The following DOCK4 variants were observed in gnomAD, a reference collection of about 807,000 sequenced individuals.
DOCK4 encodes the protein dedicator of cytokinesis protein 4.
In DOCK4, 97 loss-of-function variants were observed where a neutral mutation model predicts 268.1. That is an observed-to-expected ratio of 0.36 (90% CI 0.31 to 0.43). The LOEUF (loss-of-function observed/expected upper bound fraction) is 0.43. DOCK4 is among the 20% of genes least tolerant of loss of function. The pLI is 1.00. For missense variants in DOCK4, 2,145 were observed against 2,455.7 expected (o/e 0.87, Z 2.67); for synonymous variants, 954 against 887.2 (o/e 1.08, Z -1.34).
Position 112,206,327 on chromosome 7 carries a change from C to T in DOCK4, c.-189G>A, listed in dbSNP as rs1015301726. 3 of 623,270 alleles carry T rather than the reference C, an allele frequency of 4.8e-6. No individual in the cohort carries two copies. In the African/African-American group the frequency reaches 5.8e-5, roughly 12 times the overall value. The allele number at this position is 623,270 out of a possible 1,614,324, so 38.6% of individuals were successfully genotyped here. A position where few individuals can be genotyped will look rare whatever the true frequency, so the allele number is the denominator to read the frequency against. On this transcript the variant is annotated 5_prime_UTR_variant, in exon 1 of 53. Coordinates refer to ENST00000428084, the MANE Select transcript of DOCK4 (RefSeq NM_001363540.2). Reference sequence around the variant, plus strand: ...CGTTGACACTGCGCCGCCCGCAGCTCTCCCGGCGGCGGCTGCTCACAGTCC... The same window carrying T: ...CGTTGACACTGCGCCGCCCGCAGCTTTCCCGGCGGCGGCTGCTCACAGTCC...
intron 16 of DOCK4, among the ~76,000 whole-genome samples, chr7:111,893,663 G>C (rs1008265742): frequency 1.3e-5 from 2 of 152,054 alleles, no homozygotes; most frequent in African/African-American, 2.4e-5. Context: ...TCCTCTGTTT[G>C]CTTTTCTGGT....
intron 12 of DOCK4, among the ~76,000 whole-genome samples, chr7:111,917,923 T>C (rs989731203): frequency 3.3e-5 from 5 of 152,102 alleles, no homozygotes; most frequent in African/African-American, 9.7e-5. Context: ...ATGAAAAAAA[T>C]GCAAAGTTTA....
intron 1 of DOCK4, among the ~76,000 whole-genome samples, chr7:112,197,479 C>G (rs964498566): frequency 6.6e-6 from 1 of 152,178 alleles, no homozygotes; most frequent in Non-Finnish European, 1.5e-5. Flanking sequence ...CGTGCACAAT[C>G]TGGCATGAAA....
At chr7:112,064,313 A>T (rs1806723614) in intron 1 of DOCK4, among the ~76,000 whole-genome samples, 1 of 152,192 alleles carries the variant, frequency 6.6e-6, no homozygotes, top group Admixed American at 6.5e-5. Flanking sequence ...ACCAACCAAT[A>T]TCCCATAGTA....
chr7:112,091,645 A>G (rs1809637881), intron 1 of DOCK4, among the ~76,000 whole-genome samples: 1 of 152,148 alleles, frequency 6.6e-6, no homozygotes. Flanking sequence ...CCCAATCCGA[A>G]AAGAATTCAA....
chr7:112,115,811 A>T (rs187399419), intron 1 of DOCK4, among the ~76,000 whole-genome samples: 1 of 152,294 alleles, frequency 6.6e-6, no homozygotes, highest in Admixed American at 6.5e-5. Context: ...CCTCCTGAGT[A>T]GCAGGACTAC....
At chr7:112,070,451 TTGCACCAATTACTTC>T in intron 1 of DOCK4, among the ~76,000 whole-genome samples, 1 of 152,162 alleles carries the variant, frequency 6.6e-6, no homozygotes, top group African/African-American at 2.4e-5. Context: ...ACACTTACTT[TTGCACCAATTACTTC>T]TGCACCAACC....
intron 42 of DOCK4, among the ~76,000 whole-genome samples, chr7:111,751,704 C>A (rs1000493621): frequency 6.6e-6 from 1 of 152,110 alleles, no homozygotes; most frequent in African/African-American, 2.4e-5. Flanking sequence ...CCTGGCCTCC[C>A]AAAGTGTTGG....
At chr7:111,957,746 G>C (rs772440174) in intron 8 of DOCK4, among the ~76,000 whole-genome samples, 3 of 152,124 alleles carry the variant, frequency 2.0e-5, no homozygotes, top group Non-Finnish European at 2.9e-5. Flanking sequence ...AGTAAGAATT[G>C]TTTGCTGAAT....
chr7:111,898,198 T>G (rs1214802903), intron 15 of DOCK4, among the ~76,000 whole-genome samples: 1 of 152,228 alleles, frequency 6.6e-6, no homozygotes, highest in African/African-American at 2.4e-5. Context: ...GCACCTCTGC[T>G]ACCTTCCTGG....
intron 1 of DOCK4, among the ~76,000 whole-genome samples, chr7:112,147,446 AC>A: frequency 6.6e-6 from 1 of 152,286 alleles, no homozygotes; most frequent in South Asian, 2.1e-4. Context: ...GATCCACCTG[AC>A]CTGTAACATT....
At position 112,018,143 on chromosome 7, in the gene DOCK4, C is replaced by CAAAAAAAAAAAAAAAAAAAAAAA. The variant is rs140883588; in HGVS notation, c.38-14035_38-14013dup. Among the ~76,000 whole-genome samples, 11 of 20,640 alleles carry CAAAAAAAAAAAAAAAAAAAAAAA rather than the reference C, an allele frequency of 5.3e-4. 3 individuals carry two copies. The highest frequency in any genetic ancestry group is 9.6e-4 in the Admixed American group (1 of 1,044). The allele number at this position is 20,640 out of a possible 152,430, so 13.5% of individuals were successfully genotyped here. On this transcript the variant is annotated intron_variant, in intron 1 of 52. Transcript: ENST00000428084. ...TGGGCAACACAGCAAGACTCCAGCT[C>CAAAAAAAAAAAAAAAAAAAAAAA]AAAAAAAAAAAAAAAAAAAAAAAAA...
chr7:111,861,592 A>G (rs1805520970), intron 23 of DOCK4, among the ~76,000 whole-genome samples: 2 of 152,010 alleles, frequency 1.3e-5, no homozygotes, highest in South Asian at 4.2e-4. Flanking sequence ...ACCAAAATAC[A>G]AAAATTAGCC....
At chr7:112,028,989 T>C (rs1301229857) in intron 1 of DOCK4, among the ~76,000 whole-genome samples, 1 of 152,232 alleles carries the variant, frequency 6.6e-6, no homozygotes, top group East Asian at 1.9e-4. Context: ...TACCCAGTAG[T>C]GCTTATCTTG....
In DOCK4 at chr7:111,915,899, C is replaced by T; in HGVS notation, c.1072G>A (p.Ala358Thr). The T allele has an allele frequency of 6.2e-7, 1 of 1,610,524 alleles. No homozygotes were observed. The highest frequency in any genetic ancestry group is 8.5e-7 in the Non-Finnish European group (1 of 1,178,424). ...CCGTGCAATAGCTGTAAGGAAACTG[C>T]TAAACCTAAAACAGATGAGAGATAC... ...YNLTGSNAGL[A>T]VSLQLLHGDI... The change falls in exon 13 of 53, where the codon GCA becomes ACA. Residue 358 changes from alanine to threonine, a missense_variant. This residue lies in a region of DOCK4 where 1,598 missense variants were observed against 1,986.7 expected (regional missense o/e 0.80). Coordinates refer to ENST00000428084, the MANE Select transcript of DOCK4 (RefSeq NM_001363540.2).
chr7:111,903,897 A>G (rs1177287613), intron 13 of DOCK4, among the ~76,000 whole-genome samples: 1 of 152,230 alleles, frequency 6.6e-6, no homozygotes, highest in African/African-American at 2.4e-5. Context: ...CAAATAGCCT[A>G]TAAAACCTAC....
intron 1 of DOCK4, among the ~76,000 whole-genome samples, chr7:112,044,617 T>A (rs931771886): frequency 8.5e-5 from 13 of 152,190 alleles, no homozygotes; most frequent in African/African-American, 2.9e-4. Context: ...TAAAATCAAG[T>A]TCTTCCTTCC....
chr7:111,898,941 C>T (rs1461794892), intron 15 of DOCK4, among the ~76,000 whole-genome samples: 2 of 152,138 alleles, frequency 1.3e-5, no homozygotes, highest in Non-Finnish European at 2.9e-5. Flanking sequence ...CCCACTATTT[C>T]ACCTTTATTT....
At chr7:111,776,894 C>T (rs1798478256) in intron 36 of DOCK4, among the ~76,000 whole-genome samples, 1 of 152,142 alleles carries the variant, frequency 6.6e-6, no homozygotes, top group South Asian at 2.1e-4. Context: ...AATTTTGGCT[C>T]ACTGCAGCCT....
Sources: gnomAD v4.1 joint callset for allele counts (sites outside exome capture counted in the v4.1 genomes callset) on GRCh38, gnomAD v4.1.1 for gene constraint, gnomAD v4.1.1 regional missense constraint, MANE v1.5 for transcripts, NCBI Gene and HGNC (gene_info 2026-07-23, HGNC 2026-07-21) for gene names.